LOC400499: variants seen among roughly 807,000 people sequenced by gnomAD.
At chr16:11,460,854 G>A in the LOC400499 span, 8 of 1,374,588 alleles carry the variant, frequency 5.8e-6, no homozygotes, top group Non-Finnish European at 7.7e-6. Context: ...AATGACTAAT[G>A]GAAAACCCCG....
the LOC400499 span, chr16:11,460,986 C>T: frequency 6.5e-7 from 1 of 1,535,556 alleles, no homozygotes; most frequent in Non-Finnish European, 8.7e-7. Flanking sequence ...ACTGGATCCT[C>T]AGGGAGTTGG....
chr16:11,486,761 T>A, the LOC400499 span, among the ~76,000 whole-genome samples: 2 of 18,688 alleles, frequency 1.1e-4, no homozygotes, highest in African/African-American at 1.4e-3. Context: ...GGTGGGTGGA[T>A]GGATGAATGG....
chr16:11,455,203 G>T, the LOC400499 span, among the ~76,000 whole-genome samples: 1 of 152,002 alleles, frequency 6.6e-6, no homozygotes. Context: ...GTTATAATTG[G>T]GTAAGCATCA....
At chr16:11,424,641 A>C in the LOC400499 span, among the ~76,000 whole-genome samples, 1 of 152,144 alleles carries the variant, frequency 6.6e-6, no homozygotes, top group African/African-American at 2.4e-5. Context: ...CAGCTCCCCG[A>C]GGAAAGGACA....
At chr16:11,483,721 A>C in the LOC400499 span, among the ~76,000 whole-genome samples, 1 of 151,576 alleles carries the variant, frequency 6.6e-6, no homozygotes, top group East Asian at 1.9e-4. Flanking sequence ...AAAAAAAAAA[A>C]AAAACTAGAT....
At chr16:11,398,103 C>G in the LOC400499 span, among the ~76,000 whole-genome samples, 3 of 152,168 alleles carry the variant, frequency 2.0e-5, no homozygotes, top group African/African-American at 4.8e-5. Flanking sequence ...CGCATCATGT[C>G]TCTCTTAAGT....
the LOC400499 span, among the ~76,000 whole-genome samples, chr16:11,474,139 G>A: frequency 3.3e-5 from 5 of 152,186 alleles, 1 homozygote; most frequent in South Asian, 4.1e-4. Context: ...GATTACAGGC[G>A]TGAGCTATCC....
At chr16:11,449,947 C>A in the LOC400499 span, among the ~76,000 whole-genome samples, 3 of 152,242 alleles carry the variant, frequency 2.0e-5, no homozygotes, top group Non-Finnish European at 4.4e-5. Context: ...GGGCAGGAGC[C>A]GGCTAGCCGA....
chr16:11,444,496 G>A, the LOC400499 span, among the ~76,000 whole-genome samples: 28 of 152,288 alleles, frequency 1.8e-4, no homozygotes, highest in African/African-American at 6.7e-4. Flanking sequence ...ACACAGCCAC[G>A]CCCGTTCATT....
chr16:11,374,920 C>G, the LOC400499 span, among the ~76,000 whole-genome samples: 1 of 152,252 alleles, frequency 6.6e-6, no homozygotes, highest in East Asian at 1.9e-4. Flanking sequence ...GCGATCTTAG[C>G]TCACTGCAAC....
At chr16:11,383,711 TGCAG>T in the LOC400499 span, 9 of 1,232,476 alleles carry the variant, frequency 7.3e-6, no homozygotes, top group Non-Finnish European at 8.1e-6. Flanking sequence ...GCCGCCAGGT[TGCAG>T]GCAGGCTGGA....
the LOC400499 span, among the ~76,000 whole-genome samples, chr16:11,432,532 G>C: frequency 6.6e-6 from 1 of 152,132 alleles, no homozygotes; most frequent in Non-Finnish European, 1.5e-5. Context: ...GGGTTGTTTA[G>C]AATTAAACGA....
At chr16:11,485,108 A>G in the LOC400499 span, 2 of 398,954 alleles carry the variant, frequency 5.0e-6, no homozygotes, top group East Asian at 3.6e-5. Context: ...GGGAGGAACA[A>G]TTCAGTCACA....
At chr16:11,393,141 A>C in the LOC400499 span, among the ~76,000 whole-genome samples, 8 of 136,636 alleles carry the variant, frequency 5.9e-5, no homozygotes, top group South Asian at 2.3e-4. Context: ...GGTGTGAGCC[A>C]CCACGCCTGG....
chr16:11,483,860 G>C, the LOC400499 span, among the ~76,000 whole-genome samples: 2 of 152,050 alleles, frequency 1.3e-5, no homozygotes, highest in South Asian at 4.2e-4. Flanking sequence ...GGGTGACAGA[G>C]TGAGACTGTC....
At chr16:11,515,530 C>A in the LOC400499 span, among the ~76,000 whole-genome samples, 1 of 150,074 alleles carries the variant, frequency 6.7e-6, no homozygotes. Flanking sequence ...TACGTACATA[C>A]ATACATAAAA....
At chr16:11,472,165 C>T in the LOC400499 span, 1 of 206,344 alleles carries the variant, frequency 4.8e-6, no homozygotes, top group African/African-American at 2.3e-5. Flanking sequence ...TCAAAACTGC[C>T]CCAGCTGAGA....
At chr16:11,399,234 C>T in the LOC400499 span, 3 of 985,376 alleles carry the variant, frequency 3.0e-6, no homozygotes, top group Middle Eastern at 5.2e-4. Flanking sequence ...CCCATCTGTT[C>T]CCAGCATCTC....
the LOC400499 span, among the ~76,000 whole-genome samples, chr16:11,524,923 T>C: frequency 3.3e-5 from 5 of 152,138 alleles, no homozygotes; most frequent in African/African-American, 1.2e-4. Context: ...ACCACTTCCA[T>C]CCTCAAAACC....
Sources: allele counts gnomAD v4.1 joint callset (sites outside exome capture counted in the v4.1 genomes callset), GRCh38; gene constraint gnomAD v4.1.1; transcripts MANE v1.5.